The following RAB38 variants were observed in gnomAD, a reference collection of about 807,000 sequenced individuals.
The protein encoded by RAB38 is ras-related protein Rab-38.
In RAB38, 15 loss-of-function variants were observed where a neutral mutation model predicts 18.4. The ratio of observed to expected loss-of-function variants is 0.82; its 90% confidence interval spans 0.55 to 1.26. The LOEUF (loss-of-function observed/expected upper bound fraction) is 1.26, where lower values mean the gene tolerates loss of function less well. Ranked by LOEUF, RAB38 falls within the 50% of genes most tolerant of loss-of-function variation. RAB38 has a pLI of 0.00. For synonymous variants in RAB38, 101 were observed against 104.4 expected (o/e 0.97, Z 0.20); for missense variants, 294 against 267.4 (o/e 1.10, Z -0.69).
downstream of RAB38, among the ~76,000 whole-genome samples, chr11:88,112,850 A>G (rs1353024071): frequency 2.0e-5 from 3 of 152,088 alleles, no homozygotes; most frequent in African/African-American, 4.8e-5. Context: ...AAATATTAAT[A>G]TGAAATAATG....
chr11:87,882,391 C>T, the RAB38 span, among the ~76,000 whole-genome samples: 2 of 151,828 alleles, frequency 1.3e-5, no homozygotes, highest in Admixed American at 6.6e-5. Flanking sequence ...TATCTGCGCC[C>T]CATCAGTTCT....
the RAB38 span, among the ~76,000 whole-genome samples, chr11:88,061,005 C>T: frequency 0.78 from 118,536 of 152,146 alleles, 46,469 homozygotes; most frequent in African/African-American, 0.86. Context: ...GTGAGGACAA[C>T]AATTTGTTTT....
At chr11:87,842,098 A>G in the RAB38 span, among the ~76,000 whole-genome samples, 347 of 152,324 alleles carry the variant, frequency 2.3e-3, 1 homozygote, top group Non-Finnish European at 4.2e-3. Flanking sequence ...TTTGCCATCA[A>G]AGTAGAATTT....
the RAB38 span, among the ~76,000 whole-genome samples, chr11:87,862,770 G>A: frequency 1.3e-5 from 2 of 151,694 alleles, no homozygotes; most frequent in Non-Finnish European, 2.9e-5. Flanking sequence ...CTAAGTAAAT[G>A]TTTACAATTT....
chr11:87,905,784 T>G, the RAB38 span, among the ~76,000 whole-genome samples: 8 of 151,960 alleles, frequency 5.3e-5, no homozygotes, highest in African/African-American at 1.9e-4. Context: ...AGCCAAAGAC[T>G]AAATAGGAGT....
the RAB38 span, among the ~76,000 whole-genome samples, chr11:87,873,036 C>A: frequency 6.6e-6 from 1 of 151,538 alleles, no homozygotes; most frequent in Admixed American, 6.6e-5. Context: ...TCCAGATTGT[C>A]TTCCATCATA....
the RAB38 span, among the ~76,000 whole-genome samples, chr11:88,012,945 A>G: frequency 1.3e-5 from 2 of 152,172 alleles, no homozygotes; most frequent in Non-Finnish European, 2.9e-5. Context: ...TACAGAAAGT[A>G]TTGTGTTACA....
the RAB38 span, chr11:87,817,220 T>G: frequency 6.6e-6 from 1 of 152,262 alleles, no homozygotes; most frequent in South Asian, 2.1e-4. Context: ...TGCTGAAAAC[T>G]TTTAAACTTT....
At chr11:87,885,859 G>C in the RAB38 span, among the ~76,000 whole-genome samples, 1 of 151,960 alleles carries the variant, frequency 6.6e-6, no homozygotes. Context: ...AGAATAAATA[G>C]GGATGGGGGC....
chr11:87,896,219 C>A, the RAB38 span, among the ~76,000 whole-genome samples: 1 of 151,652 alleles, frequency 6.6e-6, no homozygotes, highest in Non-Finnish European at 1.5e-5. Context: ...AAATTGCAAG[C>A]CCCCGACCTT....
the RAB38 span, chr11:87,815,019 C>G: frequency 6.6e-6 from 1 of 152,522 alleles, no homozygotes; most frequent in Admixed American, 6.5e-5. Context: ...AGGCGTGAGC[C>G]ACCGTGCCTG....
the RAB38 span, among the ~76,000 whole-genome samples, chr11:88,018,336 AC>A: frequency 6.6e-6 from 1 of 152,086 alleles, no homozygotes; most frequent in Non-Finnish European, 1.5e-5. Context: ...AGCATTGTCC[AC>A]CCTTTTCCCA....
chr11:87,975,332 T>C, the RAB38 span, among the ~76,000 whole-genome samples: 1 of 151,984 alleles, frequency 6.6e-6, no homozygotes, highest in Non-Finnish European at 1.5e-5. Flanking sequence ...TCCAGAATTC[T>C]ACATTCAGCC....
chr11:88,003,639 T>TTGTATATATTATATATA, the RAB38 span, among the ~76,000 whole-genome samples: 1 of 52,284 alleles, frequency 1.9e-5, no homozygotes, highest in Non-Finnish European at 3.3e-5. Flanking sequence ...ATATATAATA[T>TTGTATATATTATATATA]ATATAATAGA....
At chr11:88,082,284 T>C in the RAB38 span, among the ~76,000 whole-genome samples, 1 of 151,760 alleles carries the variant, frequency 6.6e-6, no homozygotes, top group African/African-American at 2.4e-5. Context: ...TACTGAAATT[T>C]TGAGCAAAAA....
chr11:88,033,000 G>A, the RAB38 span, among the ~76,000 whole-genome samples: 2 of 152,086 alleles, frequency 1.3e-5, no homozygotes, highest in Non-Finnish European at 2.9e-5. Context: ...ATGATAGACT[G>A]GATTAAGAAA....
chr11:87,953,260 A>T, the RAB38 span, among the ~76,000 whole-genome samples: 1 of 152,174 alleles, frequency 6.6e-6, no homozygotes, highest in Non-Finnish European at 1.5e-5. Flanking sequence ...TGTGTGTGTA[A>T]AGGGGGTTGT....
chr11:88,026,360 G>C, the RAB38 span, among the ~76,000 whole-genome samples: 35 of 151,150 alleles, frequency 2.3e-4, no homozygotes, highest in African/African-American at 7.5e-4. Context: ...TCAGGAGATC[G>C]AGACCATCCT....
the RAB38 span, among the ~76,000 whole-genome samples, chr11:88,044,812 C>A: frequency 6.6e-6 from 1 of 152,074 alleles, no homozygotes; most frequent in Non-Finnish European, 1.5e-5. Flanking sequence ...TCTGACCTCT[C>A]CCCTCCTCCC....
Sources: allele counts gnomAD v4.1 joint callset (sites outside exome capture counted in the v4.1 genomes callset), GRCh38; gene constraint gnomAD v4.1.1; transcripts MANE v1.5; gene names NCBI Gene and HGNC (gene_info 2026-07-23, HGNC 2026-07-21).